The following MATK variants were observed in gnomAD, a reference collection of about 807,000 sequenced individuals.
MATK encodes the protein megakaryocyte-associated tyrosine kinase.
In MATK, 41 loss-of-function variants were observed where a neutral mutation model predicts 59.8. The ratio of observed to expected loss-of-function variants is 0.69; its 90% CI spans 0.53 to 0.89. The LOEUF (loss-of-function observed/expected upper bound fraction) is 0.89, where lower values mean the gene tolerates loss of function less well. MATK is among the 40% of genes least tolerant of loss of function. The pLI is 0.00. For missense variants in MATK, 593 were observed against 719.6 expected (o/e 0.82, Z 2.01); for synonymous variants, 308 against 306.1 (o/e 1.01, Z -0.06).
chr19:3,794,291 C>A (rs1289944808), intron 1 of MATK, among the ~76,000 whole-genome samples: 1 of 152,156 alleles, frequency 6.6e-6, no homozygotes, highest in Non-Finnish European at 1.5e-5. Context: ...CAGCCCTGGG[C>A]CCGGCAACCA....
chr19:3,788,483 G>T (rs2037510363), upstream of MATK, among the ~76,000 whole-genome samples: 1 of 151,710 alleles, frequency 6.6e-6, no homozygotes, highest in Admixed American at 6.6e-5. Context: ...AGTCTGGTGT[G>T]GTGGTGGATG....
At chr19:3,797,458 G>A (rs1274112670) in intron 1 of MATK, among the ~76,000 whole-genome samples, 3 of 151,336 alleles carry the variant, frequency 2.0e-5, no homozygotes, top group Non-Finnish European at 4.4e-5. Context: ...CACCATGCTG[G>A]CTAATTTTTT....
In MATK at chr19:3,779,016, C is replaced by T. The variant is rs36072143; in HGVS notation, c.1173G>A (p.Thr391=). 13 of 1,579,106 alleles carry T rather than the reference C, an allele frequency of 8.2e-6. No individual in the cohort carries two copies. The highest frequency in any genetic ancestry group is 2.7e-5 in the African/African-American group (2 of 74,086). ...CCCCGTGTTTGAGAGCCTCGGGCGCCGTCCACTTGACGGGCAGCCGGCTTG... is the reference window on the plus strand; with the variant it reads ...CCCCGTGTTTGAGAGCCTCGGGCGCTGTCCACTTGACGGGCAGCCGGCTTG... ...LDSSRLPVKW[T]APEALKHGKF... Residue 391 remains threonine, a synonymous_variant, in exon 12 of 14, where the codon ACG becomes ACA. Transcript: ENST00000310132.
intron 1 of MATK, among the ~76,000 whole-genome samples, chr19:3,795,908 C>T (rs11085042): frequency 0.32 from 48,358 of 151,374 alleles, 9,072 homozygotes; most frequent in East Asian, 0.5. Context: ...ATTACAGGCA[C>T]GCGCCATCAC....
intron 9 of MATK, 24 bp downstream of exon 9, chr19:3,779,674 C>T: frequency 6.2e-7 from 1 of 1,610,414 alleles, no homozygotes; most frequent in Non-Finnish European, 8.5e-7. Flanking sequence ...GTCCCACGGT[C>T]CCCAGCCCCA....
chr19:3,786,723 C>A (rs1402324861), upstream of MATK, among the ~76,000 whole-genome samples: 1 of 152,022 alleles, frequency 6.6e-6, no homozygotes, highest in Admixed American at 6.6e-5. This position sits in a 1 kb window ranked among gnomAD's most constrained non-coding sequence, Gnocchi z 4.1. Flanking sequence ...GAGCACCCAC[C>A]GTCTCAGAGG....
At chr19:3,797,897 C>G (rs2037610318) in intron 1 of MATK, among the ~76,000 whole-genome samples, 1 of 151,946 alleles carries the variant, frequency 6.6e-6, no homozygotes, top group Admixed American at 6.6e-5. Context: ...CAAAAATTAG[C>G]CGGGCATGGT....
intron 1 of MATK, among the ~76,000 whole-genome samples, chr19:3,796,707 A>G (rs551992972): frequency 6.6e-6 from 1 of 151,976 alleles, no homozygotes; most frequent in Non-Finnish European, 1.5e-5. Context: ...GGATTCTTAG[A>G]TATAGCTCCT....
At chr19:3,791,071 T>G (rs2037536822), upstream of MATK, among the ~76,000 whole-genome samples, 1 of 152,186 alleles carries the variant, frequency 6.6e-6, no homozygotes, top group African/African-American at 2.4e-5. Context: ...CCAGTCTTTC[T>G]TTTTTGATTT....
intron 6 of MATK, 134 bp from the exon 7 acceptor site, chr19:3,783,353 G>A (rs560687348): frequency 3.5e-5 from 24 of 686,676 alleles, no homozygotes; most frequent in Admixed American, 2.6e-4. Context: ...CCATAGGAAC[G>A]GGAAAGGAGG....
chr19:3,790,628 C>G (rs867972267), upstream of MATK, among the ~76,000 whole-genome samples: 23 of 152,158 alleles, frequency 1.5e-4, no homozygotes, highest in Admixed American at 4.6e-4. Context: ...CCTCCAAGAA[C>G]CTAATATTCT....
Position 3,779,428 on chromosome 19 carries a change from C to T in MATK, c.951G>A (p.Arg317=). ...VSKGNLVNFL[R]TRGRALVNTA... ...TGTTCACGAGGGCTCGACCCCGGGTCCGCAGAAAGTTCACCAGGTTGCCCT... is the reference window on the plus strand; with the variant it reads ...TGTTCACGAGGGCTCGACCCCGGGTTCGCAGAAAGTTCACCAGGTTGCCCT... The change falls in exon 11 of 14, where the codon CGG becomes CGA. Residue 317 remains arginine, a synonymous_variant. Transcript: ENST00000310132. 1 of 1,613,294 alleles carries T rather than the reference C, an allele frequency of 6.2e-7. No homozygotes were observed. The highest frequency in any genetic ancestry group is 8.5e-7 in the Non-Finnish European group (1 of 1,180,004).
intron 1 of MATK, chr19:3,785,902 C>G (rs2037476188): frequency 1.3e-5 from 2 of 152,382 alleles, no homozygotes; most frequent in Admixed American, 1.3e-4. Context: ...CACAGCCCTC[C>G]ACGTGGACGC....
intron 1 of MATK, among the ~76,000 whole-genome samples, chr19:3,798,513 AT>A (rs912734440): frequency 3.3e-5 from 5 of 151,504 alleles, no homozygotes; most frequent in African/African-American, 4.9e-5. Flanking sequence ...TGGATTTTTT[AT>A]TTTTTTTATT....
chr19:3,790,717 T>C (rs2037532495), upstream of MATK, among the ~76,000 whole-genome samples: 2 of 152,192 alleles, frequency 1.3e-5, no homozygotes, highest in African/African-American at 4.8e-5. Flanking sequence ...CCCCGCCGTG[T>C]CCAGCTGGCC....
chr19:3,784,907 G>A lies in MATK; in HGVS notation c.73-23C>T, dbSNP rs372001220. ...CACCTGGGGAGGGGACAGAGTCCAG[G>A]TGGGAGCTGGGCTGGGACCCACGGT... On this transcript the variant is annotated intron_variant, in intron 2 of 13. Transcript: ENST00000310132. The A allele has an allele frequency of 4.0e-6, 6 of 1,495,992 alleles. No individual in the cohort carries two copies. The East Asian group carries it at 7.3e-5, about 18-fold the overall frequency. 92.7% of individuals were successfully genotyped at this position (1,495,992 alleles called of 1,614,324 possible).
At chr19:3,784,929 C>T (rs776282581) in intron 2 of MATK, 45 bp from the exon 3 acceptor site, 12 of 1,429,384 alleles carry the variant, frequency 8.4e-6, no homozygotes, top group East Asian at 2.4e-5. Context: ...CTGGGACCCA[C>T]GGTCCAGTTC....
intron 8 of MATK, among the ~76,000 whole-genome samples, chr19:3,781,175 C>G (rs1231659280): frequency 6.6e-6 from 1 of 152,186 alleles, no homozygotes; most frequent in Non-Finnish European, 1.5e-5. Context: ...TGGTCGCTTT[C>G]ACTCCACAAG....
rs146546763 is a variant in MATK, at chr19:3,778,067, G to C, written c.*116C>G. The C allele has an allele frequency of 5.8e-4, 833 of 1,425,248 alleles. 4 individuals carry two copies. The African/African-American group carries it at 0.011, about 19-fold the overall frequency. 88.3% of individuals were successfully genotyped at this position (1,425,248 alleles called of 1,614,324 possible). On this transcript the variant is annotated 3_prime_UTR_variant, in exon 14 of 14. Coordinates refer to ENST00000310132, the MANE Select transcript of MATK (RefSeq NM_139355.3). ...CCCCCTACGTGGGCCAGCCCCTGCT[G>C]TGGGCACCAGGAGGATGACTTGCCC...
Sources: gnomAD v4.1 joint callset for allele counts (sites outside exome capture counted in the v4.1 genomes callset) on GRCh38, gnomAD v4.1.1 for gene constraint, Gnocchi (gnomAD v3.1) non-coding constraint, MANE v1.5 for transcripts, NCBI Gene and HGNC (gene_info 2026-07-23, HGNC 2026-07-21) for gene names.